The following CSMD1 variants were observed in gnomAD, a reference collection of about 807,000 sequenced individuals.
CSMD1 encodes the protein CUB and Sushi multiple domains 1, also known as CUB and sushi domain-containing protein 1.
CSMD1 carries 213 observed loss-of-function variants against 417.5 expected under a neutral mutation model. That is an observed-to-expected ratio of 0.51 (90% CI 0.46 to 0.57). The LOEUF is 0.57. Among genes scored for constraint, CSMD1 ranks in the 20% least tolerant of loss-of-function variants. CSMD1 has a pLI of 0.00. For synonymous variants in CSMD1, 2,862 were observed against 1,736.8 expected (o/e 1.65, Z -16.11); for missense variants, 6,923 against 4,529.7 (o/e 1.53, Z -15.17).
chr8:4,024,318 AT>A (rs1219224950), intron 4 of CSMD1, among the ~76,000 whole-genome samples: 2 of 152,220 alleles, frequency 1.3e-5, no homozygotes, highest in Non-Finnish European at 2.9e-5. Context: ...ATAAAAGACA[AT>A]AATGACAGAA....
rs562501890 is a variant in CSMD1, at chr8:3,454,659, G to A, written c.1561+14053C>T. On this transcript the variant is annotated intron_variant, in intron 12 of 69. Coordinates refer to ENST00000635120, the MANE Select transcript of CSMD1 (RefSeq NM_033225.6). ...ATTGGCCCCCACTCTCTTCTGGCTT[G>A]TAGAGTTTCTGCGGAGAGATCAGCT... Among the ~76,000 whole-genome samples, 3 of 152,340 alleles carry A rather than the reference G, an allele frequency of 2.0e-5. No individual in the cohort carries two copies. In the East Asian group the frequency reaches 5.8e-4, roughly 29 times the overall value.
chr8:4,576,340 G>A (rs1164406389), intron 2 of CSMD1, among the ~76,000 whole-genome samples: 3 of 152,186 alleles, frequency 2.0e-5, no homozygotes, highest in Non-Finnish European at 2.9e-5. Context: ...CTTCTCTCCT[G>A]CTCACTCTTC....
chr8:3,107,764 C>A lies in CSMD1; in HGVS notation c.6789G>T (p.Ala2263=), dbSNP rs748899389. The change falls in exon 45 of 70, where the codon GCG becomes GCT. Residue 2263 remains alanine, a synonymous_variant. Coordinates refer to ENST00000635120, the MANE Select transcript of CSMD1 (RefSeq NM_033225.6). ...CAGTAAGCATTTCTGCCTGTGGAAC[C>A]GCTGGGGGAGGTTGACATTTCTTGA... is the stretch of plus-strand genomic sequence containing the variant. ...FQLKKCQPPP[A]VPQAEMLTED... is the part of the protein sequence containing the mutation. The A allele has an allele frequency of 2.5e-6, 4 of 1,586,614 alleles. No homozygotes were observed. The highest frequency in any genetic ancestry group is 1.7e-4 in the Middle Eastern group (1 of 6,028).
At chr8:4,756,931 G>C (rs912387217) in intron 1 of CSMD1, among the ~76,000 whole-genome samples, 1 of 152,226 alleles carries the variant, frequency 6.6e-6, no homozygotes, top group African/African-American at 2.4e-5. Flanking sequence ...TGTGAAAGCT[G>C]AATGTTTTTA....
intron 1 of CSMD1, among the ~76,000 whole-genome samples, chr8:4,913,246 A>C (rs528843948): frequency 2.8e-4 from 42 of 152,238 alleles, no homozygotes; most frequent in African/African-American, 9.6e-4. Context: ...CACGCAACAC[A>C]AGTTGTTTCT....
chr8:4,202,192 T>C (rs571651797), intron 3 of CSMD1, among the ~76,000 whole-genome samples: 2 of 152,316 alleles, frequency 1.3e-5, no homozygotes, highest in Admixed American at 6.5e-5. Context: ...ATTACTCTTA[T>C]AATGACGCAA....
intron 5 of CSMD1, among the ~76,000 whole-genome samples, chr8:3,875,976 A>G (rs1805788830): frequency 6.6e-6 from 1 of 150,728 alleles, no homozygotes; most frequent in African/African-American, 2.5e-5. Flanking sequence ...AAAATTGCGA[A>G]GGGCCACATG....
intron 8 of CSMD1, among the ~76,000 whole-genome samples, chr8:3,594,992 AAC>A (rs1467091218): frequency 6.6e-6 from 1 of 152,186 alleles, no homozygotes; most frequent in East Asian, 1.9e-4. Flanking sequence ...TAGGAAGAAA[AAC>A]ACAACCCGGC....
intron 3 of CSMD1, among the ~76,000 whole-genome samples, chr8:4,156,376 A>C (rs1246316471): frequency 6.6e-6 from 1 of 152,206 alleles, no homozygotes; most frequent in African/African-American, 2.4e-5. Flanking sequence ...ATGAATGCAG[A>C]AGCCAATGGC....
intron 2 of CSMD1, among the ~76,000 whole-genome samples, chr8:4,522,737 T>A (rs1306139853): frequency 6.6e-6 from 1 of 152,110 alleles, no homozygotes; most frequent in African/African-American, 2.4e-5. Context: ...TATCCACACG[T>A]GCCTGGGAGT....
At chr8:3,324,194 G>A (rs180707927) in intron 23 of CSMD1, among the ~76,000 whole-genome samples, 1,546 of 87,884 alleles carry the variant, frequency 0.018, 43 homozygotes, top group East Asian at 0.09. Context: ...ACCTTTCATT[G>A]TTGTTAAAAT....
intron 1 of CSMD1, among the ~76,000 whole-genome samples, chr8:4,812,065 T>C (rs1798938881): frequency 6.6e-6 from 1 of 152,182 alleles, no homozygotes; most frequent in African/African-American, 2.4e-5. Context: ...TTATAAAACT[T>C]TGGCTTTGAC....
chr8:3,093,788 A>C (rs1465861696), intron 47 of CSMD1, among the ~76,000 whole-genome samples: 1 of 152,216 alleles, frequency 6.6e-6, no homozygotes, highest in Admixed American at 6.5e-5. Flanking sequence ...TAGCATATTA[A>C]ATAATCGGGC....
At chr8:4,540,519 C>G (rs1367947265) in intron 2 of CSMD1, among the ~76,000 whole-genome samples, 2 of 152,072 alleles carry the variant, frequency 1.3e-5, no homozygotes, top group African/African-American at 4.8e-5. Context: ...GCCTGGGCAA[C>G]AGAGCGAGAC....
chr8:3,824,107 C>G (rs758096366), intron 5 of CSMD1, among the ~76,000 whole-genome samples: 31 of 152,106 alleles, frequency 2.0e-4, no homozygotes, highest in Non-Finnish European at 4.0e-4. Context: ...AATTAGTCTC[C>G]TCATGCTATG....
intron 1 of CSMD1, among the ~76,000 whole-genome samples, chr8:4,846,238 A>T (rs775851482): frequency 2.6e-5 from 4 of 152,226 alleles, no homozygotes; most frequent in Non-Finnish European, 4.4e-5. Flanking sequence ...CAAAAAATAT[A>T]GCTCTTACTT....
intron 3 of CSMD1, among the ~76,000 whole-genome samples, chr8:4,115,124 G>T (rs746750999): frequency 4.6e-5 from 7 of 152,122 alleles, no homozygotes; most frequent in Non-Finnish European, 1.0e-4. Flanking sequence ...ATGAAAAAAA[G>T]TCCATAGATG....
At chr8:3,198,492 A>C (rs1188152736) in intron 33 of CSMD1, among the ~76,000 whole-genome samples, 1 of 152,224 alleles carries the variant, frequency 6.6e-6, no homozygotes, top group Admixed American at 6.5e-5. Context: ...CATTTTAATA[A>C]AAGGTGTAAC....
chr8:3,001,913 A>C (rs1468982847), intron 52 of CSMD1, among the ~76,000 whole-genome samples: 1 of 152,084 alleles, frequency 6.6e-6, no homozygotes, highest in African/African-American at 2.4e-5. Flanking sequence ...TTAAAATCAT[A>C]ATCTATATTT....
Sources: gnomAD v4.1 joint callset for allele counts (sites outside exome capture counted in the v4.1 genomes callset) on GRCh38, gnomAD v4.1.1 for gene constraint, MANE v1.5 for transcripts, NCBI Gene and HGNC (gene_info 2026-07-23, HGNC 2026-07-21) for gene names.